Variants in ZNF423 observed in about 807,000 individuals in gnomAD.
ZNF423 encodes the protein zinc finger protein 423, also known as Ebf-associated zinc finger protein.
ZNF423 carries 12 observed loss-of-function variants against 95.8 expected under a neutral mutation model. The ratio of observed to expected loss-of-function variants is 0.13; its 90% CI spans 0.08 to 0.20. The LOEUF (loss-of-function observed/expected upper bound fraction) is 0.20, where lower values mean the gene tolerates loss of function less well. ZNF423 is among the 10% of genes least tolerant of loss of function. ZNF423 has a pLI of 1.00. For synonymous variants in ZNF423, 749 were observed against 711.9 expected (o/e 1.05, Z -0.83); for missense variants, 1,316 against 1,737.1 (o/e 0.76, Z 4.31).
rs146002021 is a variant in ZNF423 at position 49,571,469 on chromosome 16, G to C, written c.3602-45975C>G. Among the ~76,000 whole-genome samples the C allele has an allele frequency of 3.9e-5, 6 of 152,240 alleles. No homozygotes were observed. In the East Asian group the frequency reaches 1.2e-3, roughly 29 times the overall value. On this transcript the variant is annotated intron_variant, in intron 5 of 7. Transcript: ENST00000563137. ...TCTGACACGTGGAGCGCAAGTCCCAGAAGAGGAACAGCATGCACAAAGGCC... is the reference window on the plus strand; with the variant it reads ...TCTGACACGTGGAGCGCAAGTCCCACAAGAGGAACAGCATGCACAAAGGCC...
In ZNF423 at chr16:49,547,295, C is replaced by T. The variant is rs909494061; in HGVS notation, c.3602-21801G>A. Among the ~76,000 whole-genome samples the T allele has an allele frequency of 2.6e-5, 4 of 152,090 alleles. No individual in the cohort carries two copies. In the East Asian group the frequency reaches 7.7e-4, roughly 29 times the overall value. ...CTCTGTTGGTTAAAGGCTCCACTCA[C>T]GGCTCTCTGGCCAGAATTAGCCACA... On this transcript the variant is annotated intron_variant, in intron 5 of 7. Coordinates refer to ENST00000563137, the MANE Select transcript of ZNF423 (RefSeq NM_001379286.1).
chr16:49,531,815 A>AC (rs1483090630), intron 5 of ZNF423, among the ~76,000 whole-genome samples: 1 of 151,842 alleles, frequency 6.6e-6, no homozygotes, highest in Non-Finnish European at 1.5e-5. Context: ...GAGCCCCAAC[A>AC]CCCCCAGCTC....
intron 1 of ZNF423, among the ~76,000 whole-genome samples, chr16:49,824,856 A>G (rs1330180766): frequency 6.6e-6 from 1 of 152,154 alleles, no homozygotes; most frequent in Non-Finnish European, 1.5e-5. Flanking sequence ...TGAGAATCCA[A>G]TGGGCGGGCA....
At chr16:49,586,434 A>G (rs1217128029) in intron 5 of ZNF423, among the ~76,000 whole-genome samples, 1 of 152,254 alleles carries the variant, frequency 6.6e-6, no homozygotes, top group Non-Finnish European at 1.5e-5. Context: ...CACTTTAGGA[A>G]GAGTCAAGCC....
At chr16:49,509,877 G>A (rs544996579) in intron 7 of ZNF423, among the ~76,000 whole-genome samples, 1 of 152,318 alleles carries the variant, frequency 6.6e-6, no homozygotes, top group African/African-American at 2.4e-5. Flanking sequence ...CCCCACCTGT[G>A]AAACGGGGAT....
chr16:49,663,400 C>A (rs1012435941), intron 3 of ZNF423, among the ~76,000 whole-genome samples: 5 of 152,180 alleles, frequency 3.3e-5, no homozygotes, highest in Non-Finnish European at 7.3e-5. Flanking sequence ...CCAGCCCACC[C>A]CCCTCGAGGC....
intron 5 of ZNF423, among the ~76,000 whole-genome samples, chr16:49,622,466 C>G (rs571934405): frequency 6.6e-6 from 1 of 152,246 alleles, no homozygotes; most frequent in South Asian, 2.1e-4. Context: ...GCTCATCACC[C>G]TCGCAGCCTG....
At chr16:49,624,648 G>C (rs1432213442) in intron 5 of ZNF423, among the ~76,000 whole-genome samples, 2 of 152,202 alleles carry the variant, frequency 1.3e-5, no homozygotes, top group Non-Finnish European at 2.9e-5. Context: ...AACAGATAAA[G>C]AGTGGTTGGC....
chr16:49,825,462 T>C (rs980404353), intron 1 of ZNF423, among the ~76,000 whole-genome samples: 1 of 152,012 alleles, frequency 6.6e-6, no homozygotes, highest in Non-Finnish European at 1.5e-5. Context: ...CTTTTTTTTT[T>C]CCTGGTGTCA....
intron 5 of ZNF423, among the ~76,000 whole-genome samples, chr16:49,531,886 G>C (rs1157868982): frequency 6.6e-6 from 1 of 152,164 alleles, no homozygotes; most frequent in Non-Finnish European, 1.5e-5. Flanking sequence ...GGGAGCTTGA[G>C]AGAAATGCAG....
chr16:49,689,761 T>A (rs2031709148), intron 3 of ZNF423, among the ~76,000 whole-genome samples: 1 of 152,168 alleles, frequency 6.6e-6, no homozygotes, highest in Non-Finnish European at 1.5e-5. Context: ...AGGCAGGTGG[T>A]ACCTGAGGAG....
At chr16:49,649,638 TACAC>T (rs58838858) in intron 3 of ZNF423, among the ~76,000 whole-genome samples, 9,294 of 140,310 alleles carry the variant, frequency 0.066, 345 homozygotes, top group Middle Eastern at 0.12. Context: ...TGCTTTGAAG[TACAC>T]ACACACACAC....
At chr16:49,822,643 C>T in intron 1 of ZNF423, 1 of 1,591,614 alleles carries the variant, frequency 6.3e-7, no homozygotes, top group South Asian at 1.1e-5. Context: ...TTGCCCCACC[C>T]CTCAGCCCAA....
chr16:49,674,313 T>G (rs1224689077), intron 3 of ZNF423, among the ~76,000 whole-genome samples: 1 of 152,018 alleles, frequency 6.6e-6, no homozygotes, highest in Non-Finnish European at 1.5e-5. Flanking sequence ...TGTCACCGAG[T>G]GCCTAAGGGA....
intron 3 of ZNF423, among the ~76,000 whole-genome samples, chr16:49,727,550 A>T (rs1297504925): frequency 6.6e-6 from 1 of 151,946 alleles, no homozygotes; most frequent in Non-Finnish European, 1.5e-5. Context: ...AGCCACATTC[A>T]CGGTCACCGC....
At chr16:49,515,704 T>C (rs1298830176) in intron 7 of ZNF423, among the ~76,000 whole-genome samples, 3 of 152,202 alleles carry the variant, frequency 2.0e-5, no homozygotes, top group African/African-American at 7.2e-5. Context: ...TTGTCCACTG[T>C]CTAACTCCAG....
At chr16:49,617,919 A>AGTG (rs1971930008) in intron 5 of ZNF423, among the ~76,000 whole-genome samples, 1 of 151,846 alleles carries the variant, frequency 6.6e-6, no homozygotes, top group African/African-American at 2.4e-5. Flanking sequence ...TCCTGGAAAC[A>AGTG]CTGCTCCTTC....
intron 3 of ZNF423, among the ~76,000 whole-genome samples, chr16:49,647,016 C>T (rs189172081): frequency 6.6e-5 from 10 of 152,314 alleles, no homozygotes; most frequent in East Asian, 1.9e-4. Context: ...AACTTCTGAG[C>T]GCACAGACAT....
intron 1 of ZNF423, among the ~76,000 whole-genome samples, chr16:49,805,012 G>A (rs547289672): frequency 4.7e-5 from 7 of 148,292 alleles, no homozygotes; most frequent in Non-Finnish European, 1.0e-4. Context: ...CAATTCTCCT[G>A]CCTCAGCCTC....
Sources: gnomAD v4.1 joint callset for allele counts (sites outside exome capture counted in the v4.1 genomes callset) on GRCh38, gnomAD v4.1.1 for gene constraint, MANE v1.5 for transcripts, NCBI Gene and HGNC (gene_info 2026-07-23, HGNC 2026-07-21) for gene names.